TMED7: variants seen among roughly 807,000 people sequenced by gnomAD.
TMED7 encodes transmembrane emp24 domain-containing protein 7.
A neutral mutation model predicts 23.4 loss-of-function variants in TMED7; 8 were observed. That is an observed-to-expected ratio of 0.34 (90% CI 0.20 to 0.62). The LOEUF is 0.62. Ranked by LOEUF, TMED7 falls within the 20% of genes least tolerant of loss-of-function variation. The pLI is 0.77. For missense variants in TMED7, 232 were observed against 279.1 expected, an observed-to-expected ratio of 0.83 and a Z score of 1.20; for synonymous variants, 121 against 108.5, an observed-to-expected ratio of 1.12 and a Z score of -0.72.
rs1157092535 is a variant in TMED7, at chr5:115,620,190, G to GT, written c.438+244_438+245insA. On this transcript the variant is annotated intron_variant, in intron 2 of 2. Coordinates refer to ENST00000456936, the MANE Select transcript of TMED7 (RefSeq NM_181836.6). Reference sequence around the variant, plus strand: ...TTACCACTGATGTTTCTACCTTAGTGATCTTCCTCCTTATTTTAATGCTTC... The same window carrying GT: ...TTACCACTGATGTTTCTACCTTAGTGTATCTTCCTCCTTATTTTAATGCTTC... 67 of 384,658 alleles carry GT rather than the reference G, an allele frequency of 1.7e-4. 1 individual carries two copies. The highest frequency in any genetic ancestry group is 7.3e-5 in the Non-Finnish European group (18 of 246,772). 23.8% of individuals were successfully genotyped at this position (384,658 alleles called of 1,614,324 possible).
In TMED7 at chr5:115,615,493, TA is replaced by T. The variant is rs1756686847; in HGVS notation, c.*715del. On this transcript the variant is annotated 3_prime_UTR_variant, in exon 3 of 3. Transcript: ENST00000456936. The stretch of plus-strand genomic sequence containing the variant: ...TTCATTTGCCCCCATTGTAGTGTCT[TA>T]AATTATTCTGTAATATTTCTACCTG... 1 of 152,302 alleles carries T rather than the reference TA, an allele frequency of 6.6e-6. No homozygotes were observed. Among genetic ancestry groups the T allele is most frequent in the Non-Finnish European group, 1.5e-5 (1 of 68,014 alleles). The allele number at this position is 152,302 out of a possible 1,614,324, so 9.4% of individuals were successfully genotyped here.
rs973289852 is a variant in TMED7 at position 115,625,586 on chromosome 5, C to G, written c.192+15G>C. Reference sequence around the variant, plus strand: ...GCCGCGAGTTGGGGCCCAGGGACTGCTAGGCCCCTGATACCTGGAACTCCA... The same window carrying G: ...GCCGCGAGTTGGGGCCCAGGGACTGGTAGGCCCCTGATACCTGGAACTCCA... On this transcript the variant is annotated intron_variant, in intron 1 of 2. Transcript: ENST00000456936. The G allele has an allele frequency of 6.4e-7, 1 of 1,557,098 alleles. No individual in the cohort carries two copies.
rs1756561025 is a variant in TMED7 at position 115,613,635 on chromosome 5, AG to A, written c.*2573del. ...TTAATTTTTTGAAAACAATAGTCAT[AG>A]GGCCTGCTTTGTCCTATTTAACTAT... On this transcript the variant is annotated 3_prime_UTR_variant, in exon 3 of 3. Transcript: ENST00000456936. The A allele has an allele frequency of 6.6e-6, 1 of 152,436 alleles. No individual in the cohort carries two copies. Among genetic ancestry groups the A allele is most frequent in the Non-Finnish European group, 1.5e-5 (1 of 67,972 alleles). The allele number at this position is 152,436 out of a possible 1,614,324, so 9.4% of individuals were successfully genotyped here. A position where few individuals can be genotyped will look rare whatever the true frequency, so the allele number is the denominator to read the frequency against.
At chr5:115,620,042 T>C (rs1756968808) in intron 2 of TMED7, 2 of 155,800 alleles carry the variant, frequency 1.3e-5, no homozygotes, top group Admixed American at 1.3e-4. Flanking sequence ...ATTTATCTAC[T>C]AATTTAGGCA....
At chr5:115,624,083 A>G (rs1757122844) in intron 1 of TMED7, among the ~76,000 whole-genome samples, 1 of 152,214 alleles carries the variant, frequency 6.6e-6, no homozygotes, top group Admixed American at 6.5e-5. Flanking sequence ...TACACATAAC[A>G]GATGCTAATT....
chr5:115,625,868 A>C lies in TMED7; in HGVS notation c.-76T>G, dbSNP rs1399825436. On this transcript the variant is annotated 5_prime_UTR_variant, in exon 1 of 3. Transcript: ENST00000456936. ...TCTGCGCGGACTCACCGCGCGCGGC[A>C]GGCCTCAGCGCAGGCCACCCCGCAA... 3.7e-6 allele frequency: 5 copies of C among 1,333,596 alleles called. No homozygotes were observed. Among genetic ancestry groups the C allele is most frequent in the Non-Finnish European group, 4.8e-6 (5 of 1,049,318 alleles). The allele number at this position is 1,333,596 out of a possible 1,614,324, so 82.6% of individuals were successfully genotyped here. A position where few individuals can be genotyped will look rare whatever the true frequency, so the allele number is the denominator to read the frequency against.
chr5:115,617,164 C>A (rs1756801540), intron 2 of TMED7, among the ~76,000 whole-genome samples: 1 of 152,128 alleles, frequency 6.6e-6, no homozygotes, highest in South Asian at 2.1e-4. Context: ...ATTATACCAT[C>A]TGTTTTGAGA....
At chr5:115,620,315 T>C (rs1756981803) in intron 2 of TMED7, 120 bp downstream of exon 2, 1 of 1,278,582 alleles carries the variant, frequency 7.8e-7, no homozygotes, top group Non-Finnish European at 1.0e-6. Context: ...AGAATTAAGA[T>C]AGATTTTAAA....
At chr5:115,619,135 T>C (rs1470863432) in intron 2 of TMED7, 2 of 152,204 alleles carry the variant, frequency 1.3e-5, no homozygotes, top group Non-Finnish European at 2.9e-5. Context: ...ATTTACCCAC[T>C]TAGGTTTTTA....
chr5:115,624,702 T>A (rs1394551333), intron 1 of TMED7, among the ~76,000 whole-genome samples: 2 of 152,236 alleles, frequency 1.3e-5, no homozygotes, highest in East Asian at 3.8e-4. Context: ...AAATTCTCAG[T>A]GTTCACTACT....
intron 2 of TMED7, among the ~76,000 whole-genome samples, chr5:115,619,780 AT>A (rs1294095548): frequency 6.6e-6 from 1 of 152,146 alleles, no homozygotes. Context: ...ATTTTGAAGC[AT>A]TTTGGATTTT....
chr5:115,621,413 TAAATA>T lies in TMED7; in HGVS notation c.193-738_193-734del, dbSNP rs1361647072. Among the ~76,000 whole-genome samples the T allele has an allele frequency of 7.2e-5, 11 of 152,210 alleles. No individual in the cohort carries two copies. The East Asian group carries it at 2.0e-3, about 27-fold the overall frequency. ...TTTTGAGGAGAGACACGTAACTGAT[TAAATA>T]AAATATTGTTGAAACTCTTGTGATT... is the stretch of plus-strand genomic sequence containing the variant. On this transcript the variant is annotated intron_variant, in intron 1 of 2. Transcript: ENST00000456936.
Position 115,616,418 on chromosome 5 carries a change from C to G in TMED7, c.466G>C (p.Glu156Gln), listed in dbSNP as rs1194560959. ...TAATCGATGACAGACTTCAGAGCTT[C>G]GTGAATTGAAACACAGGCAGATTCC... is the stretch of plus-strand genomic sequence containing the variant. The part of the protein sequence containing the change: ...QMESACVSIH[E>Q]ALKSVIDYQT... Residue 156 changes from glutamate (E) to glutamine (Q), a missense_variant, in exon 3 of 3, where the codon GAA becomes CAA. Coordinates refer to ENST00000456936, the MANE Select transcript of TMED7 (RefSeq NM_181836.6). 1.9e-6 allele frequency: 3 copies of G among 1,614,022 alleles called. No homozygotes were observed. Among genetic ancestry groups the G allele is most frequent in the Non-Finnish European group, 2.5e-6 (3 of 1,180,012 alleles).
At position 115,620,674 on chromosome 5, in the gene TMED7, T is replaced by C; in HGVS notation, c.199A>G (p.Thr67Ala). Residue 67 changes from threonine (T) to alanine (A), a missense_variant, in exon 2 of 3, where the codon ACT becomes GCT. Around this residue, in one of 2 missense-constraint regions of TMED7, gnomAD observed 106 missense variants for 97.0 expected, o/e 1.09. Transcript: ENST00000456936. Reference sequence around the variant, plus strand: ...CAATCTACATCATAGTGACCACCAGTAATCACCTGTAAGAGATTAAAAAAG... The same window carrying C: ...CAATCTACATCATAGTGACCACCAGCAATCACCTGTAAGAGATTAAAAAAG... Reference protein sequence around the residue: ...TKCTLEFQVITGGHYDVDCRL... With the variant: ...TKCTLEFQVIAGGHYDVDCRL... 6.8e-7 allele frequency: 1 copy of C among 1,479,994 alleles called. No individual in the cohort carries two copies. The highest frequency in any genetic ancestry group is 9.0e-7 in the Non-Finnish European group (1 of 1,113,258). The allele number at this position is 1,479,994 out of a possible 1,614,324, so 91.7% of individuals were successfully genotyped here.
intron 2 of TMED7, chr5:115,620,094 C>T (rs953101494): frequency 5.2e-5 from 9 of 173,392 alleles, no homozygotes; most frequent in Non-Finnish European, 9.6e-5. Flanking sequence ...AGTATGACAG[C>T]AACATTCCTT....
chr5:115,617,466 T>C (rs371763286), intron 2 of TMED7, among the ~76,000 whole-genome samples: 1 of 152,208 alleles, frequency 6.6e-6, no homozygotes, highest in East Asian at 1.9e-4. Flanking sequence ...ACAAACTGCA[T>C]TAACCTATTA....
rs571885745 is a variant in TMED7, at chr5:115,613,956, A to G, written c.*2253T>C. ...TTCTACTTTAAAAATATATACAACT[A>G]TGATGTTCAAATATGTATTCTGAGC... On this transcript the variant is annotated 3_prime_UTR_variant, in exon 3 of 3. Coordinates refer to ENST00000456936, the MANE Select transcript of TMED7 (RefSeq NM_181836.6). 6.6e-6 allele frequency: 1 copy of G among 152,584 alleles called. No individual in the cohort carries two copies. Among genetic ancestry groups the G allele is most frequent in the African/African-American group, 2.4e-5 (1 of 41,466 alleles). The allele number at this position is 152,584 out of a possible 1,614,324, so 9.5% of individuals were successfully genotyped here.
Position 115,625,980 on chromosome 5 carries a change from G to A in TMED7, c.-188C>T. 2 of 743,080 alleles carry A rather than the reference G, an allele frequency of 2.7e-6. No homozygotes were observed. The highest frequency in any genetic ancestry group is 3.7e-6 in the Non-Finnish European group (2 of 535,336). 46.0% of individuals were successfully genotyped at this position (743,080 alleles called of 1,614,324 possible). A position where few individuals can be genotyped will look rare whatever the true frequency, so the allele number is the denominator to read the frequency against. On this transcript the variant is annotated 5_prime_UTR_variant, in exon 1 of 3. Transcript: ENST00000456936. ...TTCCTGTGAGGGGCGCAGACGGGCG[G>A]ACCTGGGGAGGTAAAAGAGAAGCGG...
rs1756988765 is a variant in TMED7, at chr5:115,620,452, C to G, written c.421G>C (p.Val141Leu). Residue 141 changes from valine (V) to leucine (L), a missense_variant, in exon 2 of 3, where the codon GTC becomes CTC. Val to Leu is a conservative substitution (Grantham distance 32). Coordinates refer to ENST00000456936, the MANE Select transcript of TMED7 (RefSeq NM_181836.6). Reference protein sequence around the residue: ...DPPLFPSENRVSALTQMESAC... With the variant: ...DPPLFPSENRLSALTQMESAC... ...TTATTTACCTGGGTAAGAGCACTGACTCGGTTCTCACTAGGAAACAAAGGT... is the reference window on the plus strand; with the variant it reads ...TTATTTACCTGGGTAAGAGCACTGAGTCGGTTCTCACTAGGAAACAAAGGT... The G allele has an allele frequency of 6.5e-7, 1 of 1,543,080 alleles. No homozygotes were observed. Among genetic ancestry groups the G allele is most frequent in the Non-Finnish European group, 8.7e-7 (1 of 1,147,168 alleles).
Sources: gnomAD v4.1 joint callset for allele counts (sites outside exome capture counted in the v4.1 genomes callset) on GRCh38, gnomAD v4.1.1 for gene constraint, gnomAD v4.1.1 regional missense constraint, MANE v1.5 for transcripts, NCBI Gene and HGNC (gene_info 2026-07-23, HGNC 2026-07-21) for gene names.